COL18A1: variants seen among roughly 807,000 people sequenced by gnomAD.
The protein encoded by COL18A1 is collagen alpha-1(XVIII) chain.
In COL18A1, 133 loss-of-function variants were observed where a neutral mutation model predicts 168.0. The observed-to-expected ratio is 0.79, with a 90% CI of 0.69 to 0.91. The LOEUF (loss-of-function observed/expected upper bound fraction) is 0.91, where lower values mean the gene tolerates loss of function less well. Ranked by LOEUF, COL18A1 falls within the 40% of genes least tolerant of loss-of-function variation. The pLI is 0.00. For missense variants in COL18A1, 2,126 were observed against 1,925.4 expected, an observed-to-expected ratio of 1.10 and a Z score of -1.95; for synonymous variants, 949 against 809.0, an observed-to-expected ratio of 1.17 and a Z score of -2.94.
At chr21:45,496,403 G>A (rs2036545214) in intron 29 of COL18A1, 97 bp from the exon 30 acceptor site, 1 of 783,262 alleles carries the variant, frequency 1.3e-6, no homozygotes, top group African/African-American at 1.7e-5. Context: ...TGCCTGGTCA[G>A]GTTTCTGATT....
chr21:45,456,569 C>T, intron 2 of COL18A1: 1 of 1,545,580 alleles, frequency 6.5e-7, no homozygotes, highest in Non-Finnish European at 8.7e-7. Flanking sequence ...CTGCGGCCAC[C>T]TGGGCATCTC....
intron 20 of COL18A1, among the ~76,000 whole-genome samples, chr21:45,490,609 T>C (rs1259813990): frequency 6.6e-6 from 1 of 150,614 alleles, no homozygotes; most frequent in Non-Finnish European, 1.5e-5. Context: ...CCCGGGTCCC[T>C]GGGCCTTCGT....
At chr21:45,437,497 C>CAG (rs59611101) in intron 2 of COL18A1, among the ~76,000 whole-genome samples, 190 of 7,840 alleles carry the variant, frequency 0.024, 24 homozygotes, top group Non-Finnish European at 0.032. Flanking sequence ...CACACTCACA[C>CAG]ACAGGCACTC....
At chr21:45,455,635 T>C in intron 2 of COL18A1, 1 of 1,613,922 alleles carries the variant, frequency 6.2e-7, no homozygotes, top group South Asian at 1.1e-5. Flanking sequence ...GGTTCAATAA[T>C]GAGGACACCA....
chr21:45,479,832 G>C, intron 9 of COL18A1, 70 bp from the exon 10 acceptor site: 2 of 1,602,890 alleles, frequency 1.2e-6, no homozygotes, highest in Non-Finnish European at 1.7e-6. Flanking sequence ...TGGGGGAGGA[G>C]CACTGAGAGT....
intron 18 of COL18A1, among the ~76,000 whole-genome samples, 154 bp downstream of exon 18, chr21:45,488,598 C>T (rs1253015243): frequency 2.0e-5 from 3 of 152,112 alleles, no homozygotes; most frequent in Admixed American, 6.5e-5. Context: ...AGCAAAAAAG[C>T]CTGACAGGGA....
intron 40 of COL18A1, 21 bp from the exon 41 acceptor site, chr21:45,511,086 CACAT>C (rs1568954946): frequency 1.5e-5 from 17 of 1,151,924 alleles, no homozygotes; most frequent in African/African-American, 2.6e-5. Context: ...ACACCACACA[CACAT>C]ACACACGGTT....
chr21:45,405,250 G>A lies in COL18A1; in HGVS notation c.11+9G>A. 1 of 133,520 alleles carries A rather than the reference G, an allele frequency of 7.5e-6. No homozygotes were observed. The highest frequency in any genetic ancestry group is 1.4e-4 in the Admixed American group (1 of 7,046). The allele number at this position is 133,520 out of a possible 1,614,324, so 8.3% of individuals were successfully genotyped here. ...GAGAGCATGGCGCCGAGGTGAGGCC[G>A]GGGCTGCGGGCAGGGGTTGGGGGAC... On this transcript the variant is annotated intron_variant, in intron 1 of 41. Transcript: ENST00000651438.
At chr21:45,468,162 TG>T in intron 2 of COL18A1, 79 bp from the exon 3 acceptor site, 1 of 1,491,852 alleles carries the variant, frequency 6.7e-7, no homozygotes, top group Non-Finnish European at 9.3e-7. Flanking sequence ...TGCCCCTGCC[TG>T]GCTGCCTCTC....
rs1487836582 is a variant in COL18A1 at position 45,495,549 on chromosome 21, A to T, written c.2508+117A>T. On this transcript the variant is annotated intron_variant, in intron 29 of 41. Transcript: ENST00000651438. ...GAGGCCACTTATAAGCAGCCCTGCCATGTGGCCACACAGCACTGGTCATGC... is the reference window on the plus strand; with the variant it reads ...GAGGCCACTTATAAGCAGCCCTGCCTTGTGGCCACACAGCACTGGTCATGC... 3.6e-6 allele frequency: 3 copies of T among 829,270 alleles called. No individual in the cohort carries two copies. The African/African-American group carries it at 5.1e-5, about 14-fold the overall frequency. 51.4% of individuals were successfully genotyped at this position (829,270 alleles called of 1,614,324 possible).
chr21:45,475,312 C>T (rs1365368117), intron 4 of COL18A1, among the ~76,000 whole-genome samples, 164 bp from the exon 5 acceptor site: 3 of 152,226 alleles, frequency 2.0e-5, no homozygotes, highest in Non-Finnish European at 2.9e-5. Context: ...GGAAGGCCAG[C>T]GTGCCCACCC....
chr21:45,454,911 A>G (rs1454674400), intron 2 of COL18A1, among the ~76,000 whole-genome samples: 1 of 152,228 alleles, frequency 6.6e-6, no homozygotes, highest in Non-Finnish European at 1.5e-5. Context: ...AGAGGGACAC[A>G]GTCCAAGGCA....
At chr21:45,460,204 C>T (rs1357844601) in intron 2 of COL18A1, among the ~76,000 whole-genome samples, 4 of 152,224 alleles carry the variant, frequency 2.6e-5, no homozygotes, top group Non-Finnish European at 5.9e-5. Flanking sequence ...AAGCTCCCAG[C>T]CGGGGAGCAC....
In COL18A1 at chr21:45,480,039, A is replaced by G. The variant is rs80199607; in HGVS notation, c.1312-31A>G. 29,023 of 1,610,138 alleles carry G rather than the reference A, an allele frequency of 0.018. 1,411 individuals carry two copies. The highest frequency in any genetic ancestry group is 0.14 in the African/African-American group (10,610 of 74,624). On this transcript the variant is annotated intron_variant, in intron 10 of 41. Coordinates refer to ENST00000651438, the MANE Select transcript of COL18A1 (RefSeq NM_001379500.1). ...CAAGGTGGGGGCTGTGTGCGTGCCC[A>G]GGGTATGATAGGCTTGTCTTGTGTT...
At chr21:45,453,344 C>T (rs1277071159) in intron 2 of COL18A1, among the ~76,000 whole-genome samples, 2 of 152,202 alleles carry the variant, frequency 1.3e-5, no homozygotes, top group Admixed American at 6.5e-5. Context: ...GCTAAGCATG[C>T]ATGTGCATGT....
intron 4 of COL18A1, among the ~76,000 whole-genome samples, chr21:45,474,591 G>T (rs1216202930): frequency 6.6e-6 from 1 of 152,140 alleles, no homozygotes; most frequent in Admixed American, 6.5e-5. Flanking sequence ...CGTGTGTGTT[G>T]GTGGGGTGTG....
chr21:45,476,864 GTGTA>G (rs557044162), intron 6 of COL18A1, among the ~76,000 whole-genome samples: 76 of 151,510 alleles, frequency 5.0e-4, no homozygotes, highest in African/African-American at 1.6e-3. Flanking sequence ...TGCGTATTGT[GTGTA>G]TGTGTGTGAT....
chr21:45,469,384 C>T (rs993262037), intron 3 of COL18A1, among the ~76,000 whole-genome samples: 3 of 152,260 alleles, frequency 2.0e-5, no homozygotes, highest in East Asian at 1.9e-4. Context: ...TGCACACCCG[C>T]TGGGACCAGG....
In COL18A1 at chr21:45,505,371, C is replaced by CGGCCCTCCG; in HGVS notation, c.3033_3041dup (p.Pro1020_Gly1022dup). ...TCTCTCCTGCAGCTATCAGCGTTCC[C>CGGCCCTCCG]GGCCCTCCGGGCCCCCCTGGGCCCC... On this transcript the variant is annotated inframe_insertion, in exon 36 of 42. Transcript: ENST00000651438. 2 of 1,593,374 alleles carry CGGCCCTCCG rather than the reference C, an allele frequency of 1.3e-6. No homozygotes were observed. The highest frequency in any genetic ancestry group is 8.6e-7 in the Non-Finnish European group (1 of 1,164,006).
Sources: allele counts gnomAD v4.1 joint callset (sites outside exome capture counted in the v4.1 genomes callset), GRCh38; gene constraint gnomAD v4.1.1; transcripts MANE v1.5; gene names NCBI Gene and HGNC (gene_info 2026-07-23, HGNC 2026-07-21).